Variants in SPATA22 observed in about 807,000 individuals in gnomAD.
SPATA22 encodes the protein spermatogenesis-associated protein 22.
A neutral mutation model predicts 47.8 loss-of-function variants in SPATA22; 29 were observed. That is an observed-to-expected ratio of 0.61 (90% CI 0.45 to 0.83). The LOEUF (loss-of-function observed/expected upper bound fraction) is 0.83, where lower values mean the gene tolerates loss of function less well. SPATA22 is among the 40% of genes least tolerant of loss of function. SPATA22 has a pLI of 0.00. For synonymous variants in SPATA22, 133 were observed against 140.9 expected (o/e 0.94, Z 0.40); for missense variants, 410 against 421.7 (o/e 0.97, Z 0.24).
At chr17:3,478,344 C>T (rs572577520) in intron 1 of SPATA22, among the ~76,000 whole-genome samples, 1 of 152,236 alleles carries the variant, frequency 6.6e-6, no homozygotes, top group African/African-American at 2.4e-5. Context: ...AGAAACATGC[C>T]TCACTTTATG....
Position 3,449,030 on chromosome 17 carries a change from G to A in SPATA22, c.449C>T (p.Ser150Leu), listed in dbSNP as rs779412398. The change falls in exon 6 of 9, where the codon TCG becomes TTG. Residue 150 changes from serine (S) to leucine (L), a missense_variant. Ser to Leu is a moderately radical substitution (Grantham distance 145). Transcript: ENST00000572969. ...TAATTGTTTTTGTTGTTGAGCTCCC[G>A]AACTCACTGGACAAGAATTTTTTCC... ...NDGKNSCPVS[S>L]GAQQQKQLRI... is the part of the protein sequence containing the mutation. The A allele has an allele frequency of 5.4e-5, 87 of 1,613,732 alleles. No individual in the cohort carries two copies. Among genetic ancestry groups the A allele is most frequent in the Non-Finnish European group, 6.7e-5 (79 of 1,179,922 alleles).
At chr17:3,470,752 A>G (rs2073412758) in intron 1 of SPATA22, among the ~76,000 whole-genome samples, 1 of 61,546 alleles carries the variant, frequency 1.6e-5, no homozygotes, top group Non-Finnish European at 4.0e-5. Flanking sequence ...CTCCGTCTCA[A>G]AAAAAAAAGA....
chr17:3,462,916 A>G (rs1259496001), intron 3 of SPATA22, 149 bp from the exon 4 acceptor site: 1 of 637,838 alleles, frequency 1.6e-6, no homozygotes, highest in East Asian at 2.7e-5. Flanking sequence ...TTGTTGGAAA[A>G]CCTGTCACAG....
At chr17:3,481,537 C>A in intron 1 of SPATA22, 1 of 1,448,480 alleles carries the variant, frequency 6.9e-7, no homozygotes, top group African/African-American at 1.4e-5. Flanking sequence ...ACACTGTGTT[C>A]TTATTATATG....
chr17:3,499,067 TA>T lies in SPATA22; in HGVS notation c.-74+14344del, dbSNP rs1057516309. 1.2e-6 allele frequency: 2 copies of T among 1,614,098 alleles called. No homozygotes were observed. Among genetic ancestry groups the T allele is most frequent in the Non-Finnish European group, 8.5e-7 (1 of 1,179,976 alleles). On this transcript the variant is annotated intron_variant, in intron 1 of 8. Coordinates refer to the SPATA22 transcript ENST00000541913. ...CTAAACTAACGCTCAATGCAAAAAG[TA>T]TTCGCTGCTGTTTACATTAGAAATC...
chr17:3,443,805 T>A (rs2072652176), intron 7 of SPATA22, among the ~76,000 whole-genome samples: 2 of 151,938 alleles, frequency 1.3e-5, no homozygotes, highest in African/African-American at 4.8e-5. Flanking sequence ...TATTTTCATA[T>A]ACCTATATAT....
At chr17:3,509,400 G>A (rs1349841647) in intron 1 of SPATA22, among the ~76,000 whole-genome samples, 1 of 152,068 alleles carries the variant, frequency 6.6e-6, no homozygotes, top group Non-Finnish European at 1.5e-5. Context: ...CCACTTATGA[G>A]TGAGAACATG....
chr17:3,471,875 G>T (rs1597417351), upstream of SPATA22: 1 of 985,420 alleles, frequency 1.0e-6, no homozygotes, highest in Non-Finnish European at 1.2e-6. Context: ...ACCTCGGCGC[G>T]ATGGCATCTT....
At chr17:3,489,286 A>G (rs2073780173) in intron 1 of SPATA22, 1 of 1,613,234 alleles carries the variant, frequency 6.2e-7, no homozygotes, top group Non-Finnish European at 8.5e-7. Flanking sequence ...GATATCTTGG[A>G]TCAAATGAGA....
rs2073156188 is a variant in SPATA22 at position 3,462,751 on chromosome 17, A to G, written c.189T>C (p.Ala63=). The change falls in exon 4 of 9, where the codon GCT becomes GCC. Residue 63 remains alanine, a synonymous_variant. Transcript: ENST00000572969. ...TTACAGGAGCCAACTCTGGATTCACAGCTTCCCAGGCCCAATCTCAAAAGA... is the reference window on the plus strand; with the variant it reads ...TTACAGGAGCCAACTCTGGATTCACGGCTTCCCAGGCCCAATCTCAAAAGA... The part of the protein sequence containing the change: ...PPLPTDWAWE[A]VNPELAPVMK... 6.2e-7 allele frequency: 1 copy of G among 1,612,794 alleles called. No individual in the cohort carries two copies.
chr17:3,509,118 G>A (rs906995874), intron 1 of SPATA22, among the ~76,000 whole-genome samples: 2 of 151,784 alleles, frequency 1.3e-5, no homozygotes, highest in Non-Finnish European at 2.9e-5. Flanking sequence ...TGTTCTCCAG[G>A]TGGAACCATG....
At chr17:3,494,882 G>A (rs1227456094) in intron 1 of SPATA22, among the ~76,000 whole-genome samples, 3 of 152,158 alleles carry the variant, frequency 2.0e-5, no homozygotes, top group African/African-American at 7.2e-5. Flanking sequence ...ACGGAAGTTA[G>A]AACCTTCCCA....
intron 1 of SPATA22, among the ~76,000 whole-genome samples, chr17:3,504,846 G>C (rs35726513): frequency 0.9 from 137,242 of 152,080 alleles, 62,788 homozygotes; most frequent in Non-Finnish European, 0.98. Flanking sequence ...GGCAGGAGCC[G>C]CCGCACCAGG....
chr17:3,486,693 G>A (rs573831738), intron 1 of SPATA22, among the ~76,000 whole-genome samples: 1 of 152,120 alleles, frequency 6.6e-6, no homozygotes, highest in Non-Finnish European at 1.5e-5. Context: ...TTAAATCTCA[G>A]ATGGTTTAGC....
At chr17:3,497,803 G>A (rs541774856) in intron 1 of SPATA22, among the ~76,000 whole-genome samples, 64 of 152,220 alleles carry the variant, frequency 4.2e-4, no homozygotes, top group African/African-American at 1.3e-3. Flanking sequence ...TGGGTGATGC[G>A]GATGCTGCTG....
chr17:3,448,060 G>C (rs556698285), intron 6 of SPATA22, among the ~76,000 whole-genome samples: 2 of 152,212 alleles, frequency 1.3e-5, no homozygotes, highest in African/African-American at 2.4e-5. Flanking sequence ...TGAGCGTAGA[G>C]AGGAAGTACA....
At chr17:3,497,027 C>G (rs141578804) in intron 1 of SPATA22, among the ~76,000 whole-genome samples, 1 of 152,194 alleles carries the variant, frequency 6.6e-6, no homozygotes, top group African/African-American at 2.4e-5. Flanking sequence ...GATTGTGCCA[C>G]TGCACTCCAG....
At chr17:3,503,637 T>C (rs918117600) in intron 1 of SPATA22, among the ~76,000 whole-genome samples, 1 of 152,242 alleles carries the variant, frequency 6.6e-6, no homozygotes, top group Non-Finnish European at 1.5e-5. Flanking sequence ...GGGTTGATTA[T>C]TCCTATCAAG....
chr17:3,489,399 A>G (rs1701076130), intron 1 of SPATA22: 3 of 1,392,662 alleles, frequency 2.2e-6, no homozygotes, highest in Non-Finnish European at 3.1e-6. Context: ...TTAAATAACA[A>G]TTGGAACCTG....
Sources: allele counts gnomAD v4.1 joint callset (sites outside exome capture counted in the v4.1 genomes callset), GRCh38; gene constraint gnomAD v4.1.1; transcripts MANE v1.5; gene names NCBI Gene and HGNC (gene_info 2026-07-23, HGNC 2026-07-21).